The following WDR35 variants were observed in gnomAD, a reference collection of about 807,000 sequenced individuals.
WDR35 encodes the protein WD repeat domain 35.
In WDR35, 118 loss-of-function variants were observed where a neutral mutation model predicts 158.3. The ratio of observed to expected loss-of-function variants is 0.75; its 90% CI spans 0.64 to 0.87. The LOEUF is 0.87. Ranked by LOEUF, WDR35 falls within the 40% of genes least tolerant of loss-of-function variation. The pLI, the probability that WDR35 is intolerant of heterozygous loss-of-function variation, is 0.00. For missense variants in WDR35, 1,263 were observed against 1,405.8 expected (o/e 0.90, Z 1.62); for synonymous variants, 448 against 476.1 (o/e 0.94, Z 0.77).
At chr2:19,959,547 G>A (rs779494973) in intron 11 of WDR35, among the ~76,000 whole-genome samples, 7 of 151,940 alleles carry the variant, frequency 4.6e-5, no homozygotes, top group Non-Finnish European at 7.4e-5. Context: ...AAGACATGAA[G>A]TTGAAATGTG....
At chr2:19,928,453 G>A (rs1019787529) in intron 25 of WDR35, among the ~76,000 whole-genome samples, 1 of 152,150 alleles carries the variant, frequency 6.6e-6, no homozygotes, top group African/African-American at 2.4e-5. Flanking sequence ...CTGTGTGTGT[G>A]TCTTTAATTC....
At chr2:19,956,059 G>A (rs1298909866) in intron 11 of WDR35, among the ~76,000 whole-genome samples, 1 of 151,986 alleles carries the variant, frequency 6.6e-6, no homozygotes, top group Admixed American at 6.6e-5. Flanking sequence ...AAGCCTCCAG[G>A]GTGCGCTCCT....
In WDR35 at chr2:19,955,514, G is replaced by T. The variant is rs1054836358; in HGVS notation, c.1256-1536C>A. Among the ~76,000 whole-genome samples the T allele has an allele frequency of 9.9e-5, 15 of 152,028 alleles. 1 individual carries two copies. Among genetic ancestry groups the T allele is most frequent in the Non-Finnish European group, 1.5e-5 (1 of 68,008 alleles). On this transcript the variant is annotated intron_variant, in intron 11 of 26. Coordinates refer to ENST00000281405, the MANE Select transcript of WDR35 (RefSeq NM_020779.4). ...GAGGTTTAAAGAAGTAGAACAATTT[G>T]CCCAAGGTCACAAAACACAAAATAA...
At chr2:19,987,823 CAAAAAA>C (rs34794090) in intron 2 of WDR35, among the ~76,000 whole-genome samples, 1 of 57,170 alleles carries the variant, frequency 1.7e-5, no homozygotes, top group African/African-American at 7.4e-5. Flanking sequence ...AACTCTGTCT[CAAAAAA>C]AAAAAAAAAA....
Position 19,937,762 on chromosome 2 carries a change from A to T in WDR35, c.2248T>A (p.Tyr750Asn). 6.2e-7 allele frequency: 1 copy of T among 1,614,148 alleles called. No homozygotes were observed. Among genetic ancestry groups the T allele is most frequent in the Non-Finnish European group, 8.5e-7 (1 of 1,179,998 alleles). The change falls in exon 19 of 27, where the codon TAT becomes AAT. Residue 750 changes from tyrosine to asparagine, a missense_variant. Coordinates refer to ENST00000281405, the MANE Select transcript of WDR35 (RefSeq NM_020779.4). ...ACTTACCTTCTGTCCATCTCGAGAT[A>T]CGTTCTTTCAGCCTCTTCAAACCTG... ...FGRFEEAERT[Y>N]LEMDRRDLAI...
intron 7 of WDR35, among the ~76,000 whole-genome samples, 172 bp from the exon 8 acceptor site, chr2:19,973,880 G>C (rs1420249963): frequency 6.6e-6 from 1 of 152,206 alleles, no homozygotes; most frequent in Non-Finnish European, 1.5e-5. Context: ...GGCTGAGGCG[G>C]GCGGATCACT....
intron 2 of WDR35, among the ~76,000 whole-genome samples, chr2:19,985,767 C>T (rs1462695117): frequency 6.7e-5 from 10 of 150,208 alleles, no homozygotes; most frequent in Non-Finnish European, 1.0e-4. Context: ...CGTGGTGGCA[C>T]GCACCTGTAA....
At chr2:19,919,151 C>A (rs112283749) in intron 25 of WDR35, among the ~76,000 whole-genome samples, 5 of 152,044 alleles carry the variant, frequency 3.3e-5, no homozygotes, top group African/African-American at 1.2e-4. Context: ...GAGGCCAAGG[C>A]GGGTGGGTCA....
intron 16 of WDR35, among the ~76,000 whole-genome samples, chr2:19,942,662 G>A (rs1670918003): frequency 6.6e-6 from 1 of 151,392 alleles, no homozygotes; most frequent in South Asian, 2.1e-4. Flanking sequence ...GGAGAAAGAT[G>A]GAAAGAGAGA....
At chr2:19,980,311 G>A (rs1343576154) in intron 4 of WDR35, among the ~76,000 whole-genome samples, 1 of 151,840 alleles carries the variant, frequency 6.6e-6, no homozygotes, top group Non-Finnish European at 1.5e-5. Context: ...ACAGTCTACT[G>A]AGGAACCAAT....
At chr2:19,914,353 G>C in intron 25 of WDR35, 76 bp from the exon 26 acceptor site, 1 of 1,588,432 alleles carries the variant, frequency 6.3e-7, no homozygotes, top group Non-Finnish European at 8.6e-7. Flanking sequence ...AAGAATCTAA[G>C]TTAAGGTGAT....
rs556712620 is a variant in WDR35, at chr2:19,936,378, GCATT to G, written c.2268-17_2268-14del. Reference sequence around the variant, plus strand: ...AATAGCAAGATCCCTACAAACAAAGGCATTCATTCATTCATTCATCTATTTGACA... The same window carrying G: ...AATAGCAAGATCCCTACAAACAAAGGCATTCATTCATTCATCTATTTGACA... On this transcript the variant is annotated splice_polypyrimidine_tract_variant and intron_variant, in intron 19 of 26. Coordinates refer to ENST00000281405, the MANE Select transcript of WDR35 (RefSeq NM_020779.4). 2.5e-6 allele frequency: 4 copies of G among 1,613,576 alleles called. No homozygotes were observed. The highest frequency in any genetic ancestry group is 3.4e-6 in the Non-Finnish European group (4 of 1,179,780).
At chr2:19,956,577 G>C (rs1671439830) in intron 11 of WDR35, among the ~76,000 whole-genome samples, 1 of 150,874 alleles carries the variant, frequency 6.6e-6, no homozygotes, top group Non-Finnish European at 1.5e-5. Context: ...ATAAATTATA[G>C]CATAGCACAG....
chr2:19,941,795 TA>T lies in WDR35; in HGVS notation c.1889del (p.Leu630Ter). 1 of 1,574,432 alleles carries T rather than the reference TA, an allele frequency of 6.4e-7. No homozygotes were observed. Among genetic ancestry groups the T allele is most frequent in the Non-Finnish European group, 8.7e-7 (1 of 1,152,288 alleles). On this transcript the variant is annotated frameshift_variant, in exon 17 of 27. Transcript: ENST00000281405. LOFTEE classifies it high-confidence loss of function. ...TSGYICNFEDLEIKSVLLDEI... is the reference protein window; with the variant it reads ...TSGYICNFEDXEIKSVLLDEI... ...CATCCAAAAGAACAGATTTAATTTC[TA>T]AATCCTCAAAATTACAAATATATCC...
Position 19,928,809 on chromosome 2 carries a change from A to AT in WDR35, c.3121+1586dup, listed in dbSNP as rs35345285. On this transcript the variant is annotated intron_variant, in intron 25 of 26. Transcript: ENST00000281405. Reference sequence around the variant, plus strand: ...ACAATAACTCTATGAGGAAGATACTATTTTTTTTTTTTTTTGAGACGGAGT... The same window carrying AT: ...ACAATAACTCTATGAGGAAGATACTATTTTTTTTTTTTTTTTGAGACGGAGT... Among the ~76,000 whole-genome samples, 943 of 144,672 alleles carry AT rather than the reference A, an allele frequency of 6.5e-3. 8 individuals are homozygous for AT. The highest frequency in any genetic ancestry group is 0.017 in the African/African-American group (666 of 39,630). 94.9% of individuals were successfully genotyped at this position (144,672 alleles called of 152,430 possible).
intron 25 of WDR35, among the ~76,000 whole-genome samples, chr2:19,925,876 G>T (rs1670340278): frequency 2.0e-5 from 3 of 152,198 alleles, no homozygotes; most frequent in African/African-American, 7.2e-5. Flanking sequence ...TCCCGCCAAA[G>T]ATTAGGATAT....
chr2:19,964,766 G>C (rs1040649368), intron 10 of WDR35, among the ~76,000 whole-genome samples: 4 of 151,962 alleles, frequency 2.6e-5, no homozygotes, highest in Non-Finnish European at 4.4e-5. Context: ...CACTTTACAA[G>C]TGTTTTCCTT....
At chr2:19,959,930 T>C (rs1488053984) in intron 11 of WDR35, among the ~76,000 whole-genome samples, 6 of 152,066 alleles carry the variant, frequency 3.9e-5, no homozygotes. Context: ...TTTTTAATAA[T>C]CTACTTAGAA....
chr2:19,973,139 TGAAG>T (rs1457645202), intron 8 of WDR35, among the ~76,000 whole-genome samples: 1 of 152,126 alleles, frequency 6.6e-6, no homozygotes, highest in Non-Finnish European at 1.5e-5. Context: ...ATTAGAAGTT[TGAAG>T]GAAGGACAGA....
Sources: gnomAD v4.1 joint callset for allele counts (sites outside exome capture counted in the v4.1 genomes callset) on GRCh38, gnomAD v4.1.1 for gene constraint, MANE v1.5 for transcripts, NCBI Gene and HGNC (gene_info 2026-07-23, HGNC 2026-07-21) for gene names.